Variants in TOGARAM1 observed in about 807,000 individuals in gnomAD.
The protein encoded by TOGARAM1 is TOG array regulator of axonemal microtubules protein 1.
In TOGARAM1, 100 loss-of-function variants were observed where a neutral mutation model predicts 166.6. The observed-to-expected ratio is 0.60, with a 90% confidence interval of 0.51 to 0.71. The LOEUF is 0.71. TOGARAM1 is among the 30% of genes least tolerant of loss of function. TOGARAM1 has a pLI of 0.00. For synonymous variants in TOGARAM1, 758 were observed against 763.8 expected (o/e 0.99, Z 0.13); for missense variants, 2,029 against 2,102.7 (o/e 0.96, Z 0.69).
intron 3 of TOGARAM1, 91 bp downstream of exon 3, chr14:44,999,588 T>C: frequency 3.0e-6 from 3 of 1,006,590 alleles, no homozygotes; most frequent in South Asian, 3.1e-5. Flanking sequence ...TGTGTACTCA[T>C]ACTCATCACA....
chr14:45,008,444 G>T (rs1298489485), intron 5 of TOGARAM1, among the ~76,000 whole-genome samples: 3 of 151,876 alleles, frequency 2.0e-5, no homozygotes. Flanking sequence ...TACGTACAGT[G>T]ATCTGTAATT....
At chr14:44,995,390 G>A (rs1271266165) in intron 1 of TOGARAM1, 1 of 447,200 alleles carries the variant, frequency 2.2e-6, no homozygotes, top group African/African-American at 2.0e-5. Context: ...GGCACTTATT[G>A]TCTAGTACTC....
rs532024072 is a variant in TOGARAM1 at position 44,977,492 on chromosome 14, A to T, written c.2046+13025A>T. 8.1e-4 allele frequency among the ~76,000 whole-genome samples: 123 copies of T among 152,078 alleles called. 1 individual carries two copies. The highest frequency in any genetic ancestry group is 2.8e-3 in the African/African-American group (117 of 41,494). ...ACCTCATGATCTGCCCGCCTTGGCCACCCAAAGTGCTGGGATTACAGGCGT... is the reference window on the plus strand; with the variant it reads ...ACCTCATGATCTGCCCGCCTTGGCCTCCCAAAGTGCTGGGATTACAGGCGT... On this transcript the variant is annotated intron_variant, in intron 1 of 19. Transcript: ENST00000361462.
At position 44,976,069 on chromosome 14, in the gene TOGARAM1, T is replaced by C. The variant is rs75830358; in HGVS notation, c.2046+11602T>C. On this transcript the variant is annotated intron_variant, in intron 1 of 19. Coordinates refer to ENST00000361462, the MANE Select transcript of TOGARAM1 (RefSeq NM_001308120.2). The stretch of plus-strand genomic sequence containing the variant: ...ATACTGATTTCAGAATTGGTCTTTC[T>C]AAGAATGAATCTGATCTTGTAACCC... Among the ~76,000 whole-genome samples, 167 of 152,250 alleles carry C rather than the reference T, an allele frequency of 1.1e-3. 1 individual carries two copies. The highest frequency in any genetic ancestry group is 3.8e-3 in the African/African-American group (158 of 41,554).
At chr14:44,984,318 C>A (rs1198835395) in intron 1 of TOGARAM1, among the ~76,000 whole-genome samples, 1 of 151,536 alleles carries the variant, frequency 6.6e-6, no homozygotes, top group Non-Finnish European at 1.5e-5. Context: ...AAAAATATAT[C>A]CATTTTTGTG....
intron 1 of TOGARAM1, among the ~76,000 whole-genome samples, chr14:44,965,475 T>G (rs918351324): frequency 6.6e-6 from 1 of 152,220 alleles, no homozygotes; most frequent in African/African-American, 2.4e-5. Context: ...AAAAAGAGTT[T>G]GGGGTAGTTT....
intron 16 of TOGARAM1, among the ~76,000 whole-genome samples, chr14:45,066,073 G>C (rs1883124799): frequency 1.3e-5 from 2 of 152,144 alleles, no homozygotes; most frequent in Admixed American, 6.5e-5. Context: ...GTTTCCTTCT[G>C]GGAGTCTGGA....
At chr14:45,039,396 G>A (rs1881607121) in intron 11 of TOGARAM1, among the ~76,000 whole-genome samples, 1 of 152,170 alleles carries the variant, frequency 6.6e-6, no homozygotes, top group Non-Finnish European at 1.5e-5. Flanking sequence ...TCCCTGGCTT[G>A]AAGGTACGGC....
In TOGARAM1 at chr14:44,963,050, G is replaced by A; in HGVS notation, c.629G>A (p.Ser210Asn). The change falls in exon 1 of 20, where the codon AGT becomes AAT. Residue 210 changes from serine (S) to asparagine (N), a missense_variant. Around this residue, in one of 2 missense-constraint regions of TOGARAM1, gnomAD observed 1,453 missense variants for 1,432.2 expected, o/e 1.01. Transcript: ENST00000361462. Reference sequence around the variant, plus strand: ...ATCCTTCATATATGTCTGAAACGTAGTCCTGGAGAGGTGCTGAGAACGCTT... The same window carrying A: ...ATCCTTCATATATGTCTGAAACGTAATCCTGGAGAGGTGCTGAGAACGCTT... ...LQILHICLKR[S>N]PGEVLRTLIQ... 6.2e-7 allele frequency: 1 copy of A among 1,614,180 alleles called. No homozygotes were observed. Among genetic ancestry groups the A allele is most frequent in the Non-Finnish European group, 8.5e-7 (1 of 1,180,026 alleles).
At chr14:45,046,739 A>C in intron 14 of TOGARAM1, 36 bp downstream of exon 14, 2 of 1,245,568 alleles carry the variant, frequency 1.6e-6, no homozygotes, top group Non-Finnish European at 2.0e-6. Flanking sequence ...ATCTATTATT[A>C]ATAAGGGCTT....
intron 8 of TOGARAM1, among the ~76,000 whole-genome samples, chr14:45,026,371 A>G (rs1262641971): frequency 2.0e-5 from 3 of 152,186 alleles, no homozygotes; most frequent in Non-Finnish European, 4.4e-5. Flanking sequence ...GGTAATATAC[A>G]TTGAGGGTAT....
intron 11 of TOGARAM1, among the ~76,000 whole-genome samples, chr14:45,034,682 T>A (rs1402959444): frequency 6.6e-6 from 1 of 152,188 alleles, no homozygotes; most frequent in Non-Finnish European, 1.5e-5. Flanking sequence ...AGACTGAATG[T>A]TAGTTTGGTT....
intron 16 of TOGARAM1, among the ~76,000 whole-genome samples, chr14:45,055,800 CAAAAAAAAAA>C (rs35535638): frequency 2.1e-5 from 1 of 47,306 alleles, no homozygotes; most frequent in Non-Finnish European, 4.4e-5. Context: ...GACTCCATCT[CAAAAAAAAAA>C]AAAAAAAAAG....
At chr14:45,063,660 A>G (rs554382949) in intron 16 of TOGARAM1, among the ~76,000 whole-genome samples, 1 of 151,898 alleles carries the variant, frequency 6.6e-6, no homozygotes, top group South Asian at 2.1e-4. Context: ...TTGTATTTTT[A>G]GTAGAGACAG....
At position 45,016,060 on chromosome 14, in the gene TOGARAM1, A is replaced by AT. The variant is rs888394136; in HGVS notation, c.3238+3997dup. ...GTTTGTAAATTCTGGATTAAAAAAA[A>AT]TTTTTTTTTTTTAGTGTAAAGTTAA... On this transcript the variant is annotated intron_variant, in intron 7 of 19. Coordinates refer to ENST00000361462, the MANE Select transcript of TOGARAM1 (RefSeq NM_001308120.2). Among the ~76,000 whole-genome samples the AT allele has an allele frequency of 4.1e-4, 61 of 148,430 alleles. 1 individual carries two copies. In the South Asian group the frequency reaches 7.7e-3, roughly 19 times the overall value.
chr14:45,016,714 C>G (rs1880164280), intron 7 of TOGARAM1, among the ~76,000 whole-genome samples: 1 of 151,908 alleles, frequency 6.6e-6, no homozygotes, highest in Non-Finnish European at 1.5e-5. Flanking sequence ...AATTTTAAAG[C>G]CTATTTTATG....
intron 3 of TOGARAM1, among the ~76,000 whole-genome samples, chr14:45,001,497 C>T (rs546475080): frequency 1.3e-5 from 2 of 152,038 alleles, no homozygotes; most frequent in Admixed American, 6.6e-5. Flanking sequence ...TATTTGCAAA[C>T]GATTCCACTG....
intron 10 of TOGARAM1, 26 bp downstream of exon 10, chr14:45,028,355 T>A: frequency 6.4e-7 from 1 of 1,573,002 alleles, no homozygotes; most frequent in Non-Finnish European, 8.6e-7. Flanking sequence ...GTTTTGGTAT[T>A]TTTTTTTTCT....
intron 15 of TOGARAM1, among the ~76,000 whole-genome samples, chr14:45,053,142 G>A (rs147185242): frequency 0.015 from 2,208 of 150,728 alleles, 63 homozygotes; most frequent in African/African-American, 0.05. Context: ...GGGTTCAAGC[G>A]ATTCTCCTGC....
Sources: allele counts gnomAD v4.1 joint callset (sites outside exome capture counted in the v4.1 genomes callset), GRCh38; gene constraint gnomAD v4.1.1; regional missense constraint gnomAD v4.1.1; transcripts MANE v1.5; gene names NCBI Gene and HGNC (gene_info 2026-07-23, HGNC 2026-07-21).